Variants in DCDC1 observed in about 807,000 individuals in gnomAD.
DCDC1 encodes doublecortin domain containing 1.
Under a neutral mutation model 178.3 loss-of-function variants are expected in DCDC1, and 200 were observed. That is an observed-to-expected ratio of 1.12 (90% confidence interval 1.00 to 1.26). The LOEUF is 1.26. DCDC1 is among the 50% of genes most tolerant of loss of function. The probability of loss-of-function intolerance (pLI) is 0.00; values close to 1 mark genes in which losing one functional copy is unlikely to be tolerated. For synonymous variants in DCDC1, 690 were observed against 604.8 expected (o/e 1.14, Z -2.07); for missense variants, 1,983 against 1,749.2 (o/e 1.13, Z -2.38).
intron 8 of DCDC1, among the ~76,000 whole-genome samples, chr11:31,248,981 T>C (rs1333045092): frequency 6.6e-6 from 1 of 152,132 alleles, no homozygotes. Flanking sequence ...ATATATTTCA[T>C]AATAAACTTC....
chr11:31,227,774 T>C lies in DCDC1; in HGVS notation c.1221+13676A>G, dbSNP rs548316080. On this transcript the variant is annotated intron_variant, in intron 9 of 38. Coordinates refer to ENST00000684477, the MANE Select transcript of DCDC1 (RefSeq NM_001387274.1). ...TTCTACAAGACAGAATATAAAGATA[T>C]AGGTAAGTTAAAATTAAAGGATAGA... Among the ~76,000 whole-genome samples, 24 of 151,984 alleles carry C rather than the reference T, an allele frequency of 1.6e-4. No individual in the cohort carries two copies. In the East Asian group the frequency reaches 3.9e-3, roughly 24 times the overall value.
At chr11:31,160,304 C>T (rs777576368) in intron 9 of DCDC1, among the ~76,000 whole-genome samples, 8 of 152,140 alleles carry the variant, frequency 5.3e-5, no homozygotes, top group Middle Eastern at 3.2e-3. Flanking sequence ...TCGGAATTCA[C>T]ACCTCATGGC....
chr11:31,141,854 C>A (rs576358825), intron 9 of DCDC1, among the ~76,000 whole-genome samples: 1 of 152,204 alleles, frequency 6.6e-6, no homozygotes. Context: ...GAGTTTAGCG[C>A]GAGAGCTTTC....
At chr11:30,995,558 A>T (rs1951217608) in intron 20 of DCDC1, among the ~76,000 whole-genome samples, 1 of 152,182 alleles carries the variant, frequency 6.6e-6, no homozygotes, top group South Asian at 2.1e-4. Flanking sequence ...CAAGGATAGA[A>T]ATAAAAATCA....
At chr11:31,075,568 G>C (rs1425713548) in intron 18 of DCDC1, among the ~76,000 whole-genome samples, 1 of 151,448 alleles carries the variant, frequency 6.6e-6, no homozygotes, top group Non-Finnish European at 1.5e-5. Context: ...TGTTATTTTT[G>C]TCTTCTTCAT....
intron 9 of DCDC1, chr11:31,156,057 AC>A (rs1272734647): frequency 1.3e-5 from 2 of 152,184 alleles, no homozygotes; most frequent in Non-Finnish European, 2.9e-5. Flanking sequence ...CAGTTGGCAA[AC>A]TGTTTCTGTA....
intron 9 of DCDC1, among the ~76,000 whole-genome samples, chr11:31,210,161 C>T (rs1463268800): frequency 2.0e-5 from 3 of 152,158 alleles, no homozygotes. Context: ...CCTCAGGCTG[C>T]CAGAGCTTTC....
At chr11:31,161,018 T>G (rs1966272936) in intron 9 of DCDC1, among the ~76,000 whole-genome samples, 1 of 152,216 alleles carries the variant, frequency 6.6e-6, no homozygotes, top group Non-Finnish European at 1.5e-5. Context: ...GAAATTCTAT[T>G]AAAATTCATT....
intron 20 of DCDC1, among the ~76,000 whole-genome samples, chr11:30,993,658 TATA>T (rs1046906748): frequency 9.2e-5 from 14 of 151,980 alleles, no homozygotes; most frequent in Non-Finnish European, 1.5e-5. Context: ...ACAGTGAAAG[TATA>T]ATAAGTGAAT....
intron 1 of DCDC1, among the ~76,000 whole-genome samples, chr11:31,346,175 GCAGAGAAAA>G (rs1950801352): frequency 6.6e-6 from 1 of 151,994 alleles, no homozygotes; most frequent in Non-Finnish European, 1.5e-5. Context: ...AAAAGACATG[GCAGAGAAAA>G]CAGAGAAAGG....
intron 20 of DCDC1, among the ~76,000 whole-genome samples, chr11:30,976,833 C>CAT (rs1348587730): frequency 6.6e-6 from 1 of 152,070 alleles, no homozygotes; most frequent in Non-Finnish European, 1.5e-5. Flanking sequence ...CACTACTGGG[C>CAT]ATTTATCCAA....
At chr11:31,289,057 A>C (rs1409737333) in intron 7 of DCDC1, among the ~76,000 whole-genome samples, 2 of 151,984 alleles carry the variant, frequency 1.3e-5, no homozygotes, top group Non-Finnish European at 2.9e-5. Flanking sequence ...TAAAAGAAAA[A>C]AGTAAGCTAA....
intron 9 of DCDC1, among the ~76,000 whole-genome samples, chr11:31,179,997 A>G (rs1357788806): frequency 6.6e-6 from 1 of 152,220 alleles, no homozygotes; most frequent in Non-Finnish European, 1.5e-5. Flanking sequence ...GCAAATCAAT[A>G]AACATGACAA....
intron 20 of DCDC1, among the ~76,000 whole-genome samples, chr11:30,987,405 GT>G (rs1248822920): frequency 6.6e-6 from 1 of 152,106 alleles, no homozygotes; most frequent in Non-Finnish European, 1.5e-5. Context: ...GCCAGAAACT[GT>G]TCTGGGCACT....
At chr11:31,002,824 A>G (rs1483938280) in intron 20 of DCDC1, among the ~76,000 whole-genome samples, 2 of 152,270 alleles carry the variant, frequency 1.3e-5, no homozygotes, top group East Asian at 3.9e-4. Context: ...TGTCACCAAA[A>G]TTATATCCTA....
intron 3 of DCDC1, among the ~76,000 whole-genome samples, chr11:31,324,055 T>C (rs1949518517): frequency 6.6e-6 from 1 of 152,174 alleles, no homozygotes; most frequent in Non-Finnish European, 1.5e-5. Flanking sequence ...TATAAGGGTT[T>C]TTCCAACTGC....
At chr11:31,011,988 C>T (rs566349251) in intron 20 of DCDC1, among the ~76,000 whole-genome samples, 2 of 152,272 alleles carry the variant, frequency 1.3e-5, no homozygotes, top group South Asian at 2.1e-4. Context: ...TTCTCCCTTG[C>T]TGTTCTTGTG....
intron 9 of DCDC1, among the ~76,000 whole-genome samples, chr11:31,191,212 T>C (rs1970090756): frequency 1.3e-5 from 2 of 152,104 alleles, no homozygotes; most frequent in South Asian, 2.1e-4. Context: ...CCATTTTTTT[T>C]CTAACAATTT....
chr11:31,049,314 T>G (rs1368494416), intron 20 of DCDC1, among the ~76,000 whole-genome samples: 3 of 152,186 alleles, frequency 2.0e-5, no homozygotes, highest in Non-Finnish European at 4.4e-5. Flanking sequence ...TTTTCACTAG[T>G]GATGGCACGG....
Sources: allele counts gnomAD v4.1 joint callset (sites outside exome capture counted in the v4.1 genomes callset), GRCh38; gene constraint gnomAD v4.1.1; transcripts MANE v1.5; gene names NCBI Gene and HGNC (gene_info 2026-07-23, HGNC 2026-07-21).